Variants in UNC13B observed in about 807,000 individuals in gnomAD.
UNC13B encodes the protein protein unc-13 homolog B.
Under a neutral mutation model 211.0 loss-of-function variants are expected in UNC13B, and 144 were observed. The ratio of observed to expected loss-of-function variants is 0.68; its 90% CI spans 0.60 to 0.78. UNC13B has a LOEUF of 0.78. Among genes scored for constraint, UNC13B ranks in the 30% least tolerant of loss-of-function variants. The pLI, the probability that UNC13B is intolerant of heterozygous loss-of-function variation, is 0.00. For synonymous variants in UNC13B, 709 were observed against 725.8 expected, an observed-to-expected ratio of 0.98 and a Z score of 0.37; for missense variants, 1,777 against 2,002.0, an observed-to-expected ratio of 0.89 and a Z score of 2.14.
intron 11 of UNC13B, among the ~76,000 whole-genome samples, chr9:35,363,727 G>A (rs1833582926): frequency 6.6e-6 from 1 of 152,190 alleles, no homozygotes; most frequent in South Asian, 2.1e-4. Context: ...GGCCTAGAAG[G>A]CAATGTAGTC....
intron 1 of UNC13B, among the ~76,000 whole-genome samples, chr9:35,222,200 C>T (rs573239229): frequency 2.6e-5 from 4 of 152,004 alleles, no homozygotes; most frequent in Non-Finnish European, 5.9e-5. Context: ...AAAATGCCTG[C>T]TAGAATTTTG....
Position 35,398,233 on chromosome 9 carries a change from T to A in UNC13B, c.11777T>A (p.Val3926Glu). Residue 3926 changes from valine to glutamate, a missense_variant, in exon 31 of 40, where the codon GTG becomes GAG. Coordinates refer to ENST00000635942, the MANE Select transcript of UNC13B (RefSeq NM_001371189.2). ...AAGCCCTGCATCCTGATGAACAACGTGCAGCAACTGAGGGTCCAGCTGGAG... is the reference window on the plus strand; with the variant it reads ...AAGCCCTGCATCCTGATGAACAACGAGCAGCAACTGAGGGTCCAGCTGGAG... ...EKLPCILMNNVQQLRVQLEKM... is the reference protein window; with the variant it reads ...EKLPCILMNNEQQLRVQLEKM... 1.2e-6 allele frequency: 2 copies of A among 1,613,918 alleles called. No individual in the cohort carries two copies. The highest frequency in any genetic ancestry group is 8.5e-7 in the Non-Finnish European group (1 of 1,179,920).
In UNC13B at chr9:35,402,030, A is replaced by G. The variant is rs757604059; in HGVS notation, c.12485-1137A>G. 3.9e-6 allele frequency: 6 copies of G among 1,549,026 alleles called. No homozygotes were observed. The South Asian group carries it at 7.1e-5, about 18-fold the overall frequency. On this transcript the variant is annotated intron_variant, in intron 37 of 39. Coordinates refer to ENST00000635942, the MANE Select transcript of UNC13B (RefSeq NM_001371189.2). ...AGGGTATGTTGTACACCGTGCAGAT[A>G]TGGATCTAACATGGGCTAACACTGA... is the stretch of plus-strand genomic sequence containing the variant.
At chr9:35,378,258 A>G (rs1834574031) in intron 16 of UNC13B, 37 bp from the exon 17 acceptor site, 4 of 1,612,544 alleles carry the variant, frequency 2.5e-6, no homozygotes, top group Non-Finnish European at 3.4e-6. Context: ...GGGCTTCTGA[A>G]CGACTCTGAA....
chr9:35,386,847 G>A (rs954284812), intron 24 of UNC13B, among the ~76,000 whole-genome samples: 2 of 152,200 alleles, frequency 1.3e-5, no homozygotes, highest in South Asian at 2.1e-4. Flanking sequence ...CCCTAAGTCA[G>A]TACCTGGTGA....
intron 2 of UNC13B, among the ~76,000 whole-genome samples, chr9:35,229,013 C>T (rs896373260): frequency 6.6e-6 from 1 of 151,908 alleles, no homozygotes; most frequent in Non-Finnish European, 1.5e-5. Context: ...CCAAATTGTT[C>T]TCTTGCAAGT....
chr9:35,198,855 G>A (rs116561980), intron 1 of UNC13B, among the ~76,000 whole-genome samples: 73 of 152,250 alleles, frequency 4.8e-4, no homozygotes, highest in African/African-American at 1.7e-3. Flanking sequence ...GGGACCTAGG[G>A]ACTGTTTTTA....
intron 25 of UNC13B, among the ~76,000 whole-genome samples, chr9:35,390,284 G>A (rs1835449047): frequency 6.6e-6 from 1 of 152,184 alleles, no homozygotes; most frequent in South Asian, 2.1e-4. Flanking sequence ...AATGAAGTGG[G>A]CCTTCTTATA....
At chr9:35,198,419 A>T (rs1396758065) in intron 1 of UNC13B, among the ~76,000 whole-genome samples, 1 of 152,174 alleles carries the variant, frequency 6.6e-6, no homozygotes, top group East Asian at 1.9e-4. Flanking sequence ...AGATGCTGTG[A>T]TGCTTCCTGT....
chr9:35,274,783 C>A (rs1455822037), intron 7 of UNC13B, among the ~76,000 whole-genome samples: 1 of 152,032 alleles, frequency 6.6e-6, no homozygotes, highest in Non-Finnish European at 1.5e-5. Flanking sequence ...AATTCAGGGC[C>A]CTGTGAGTGG....
intron 1 of UNC13B, among the ~76,000 whole-genome samples, chr9:35,169,659 C>T (rs1217277713): frequency 6.6e-6 from 1 of 152,158 alleles, no homozygotes; most frequent in African/African-American, 2.4e-5. Context: ...GTGTTCCTTT[C>T]ACTTAGGGCC....
At chr9:35,358,931 C>T (rs570999307) in intron 11 of UNC13B, among the ~76,000 whole-genome samples, 40 of 152,086 alleles carry the variant, frequency 2.6e-4, no homozygotes, top group Non-Finnish European at 5.3e-4. Context: ...AACTCCTGAC[C>T]TGAAGTGATC....
chr9:35,255,160 A>T (rs1314155657), intron 6 of UNC13B, among the ~76,000 whole-genome samples: 1 of 144,452 alleles, frequency 6.9e-6, no homozygotes, highest in Non-Finnish European at 1.5e-5. Flanking sequence ...GTGGCACTCC[A>T]GTGATCCGCC....
At chr9:35,393,171 A>G (rs1835648654) in intron 26 of UNC13B, among the ~76,000 whole-genome samples, 1 of 152,254 alleles carries the variant, frequency 6.6e-6, no homozygotes, top group South Asian at 2.1e-4. Context: ...ACAGTCGTAT[A>G]AATTGGTAGT....
chr9:35,399,049 C>A lies in UNC13B; in HGVS notation c.12074+15C>A. 6.2e-7 allele frequency: 1 copy of A among 1,613,484 alleles called. No homozygotes were observed. The highest frequency in any genetic ancestry group is 1.1e-5 in the South Asian group (1 of 91,040). On this transcript the variant is annotated intron_variant, in intron 33 of 39. Coordinates refer to ENST00000635942, the MANE Select transcript of UNC13B (RefSeq NM_001371189.2). ...CTGGATGGCAAGTGAGTACAGCATT[C>A]AGGACTATCCTGTGGGGATGAGCAA...
In UNC13B at chr9:35,236,576, A is replaced by G; in HGVS notation, c.260A>G (p.Gln87Arg). 1.2e-6 allele frequency: 2 copies of G among 1,613,826 alleles called. No individual in the cohort carries two copies. Among genetic ancestry groups the G allele is most frequent in the Non-Finnish European group, 1.7e-6 (2 of 1,179,760 alleles). The change falls in exon 4 of 40, where the codon CAG becomes CGG. Residue 87 changes from glutamine to arginine, a missense_variant. Coordinates refer to ENST00000635942, the MANE Select transcript of UNC13B (RefSeq NM_001371189.2). Reference sequence around the variant, plus strand: ...TGGATTGCGCTGAAGACTATTCGTCAGTCGGATGAGGTCAGTCATTGCATT... The same window carrying G: ...TGGATTGCGCTGAAGACTATTCGTCGGTCGGATGAGGTCAGTCATTGCATT... ...TVWIALKTIR[Q>R]SDEEGPGEWS...
In UNC13B at chr9:35,175,863, AT is replaced by A. The variant is rs200161823; in HGVS notation, c.22+13559del. On this transcript the variant is annotated intron_variant, in intron 1 of 39. Transcript: ENST00000635942. ...GAAACCCCGTCTCTACTAAAAATAT[AT>A]AAAAAAAAAAAATTAGCCAGACATT... Among the ~76,000 whole-genome samples the A allele has an allele frequency of 6.2e-5, 7 of 112,416 alleles. 1 individual carries two copies. The highest frequency in any genetic ancestry group is 6.2e-5 in the Non-Finnish European group (3 of 48,480). The allele number at this position is 112,416 out of a possible 152,430, so 73.7% of individuals were successfully genotyped here.
At chr9:35,245,114 C>A (rs1010574617) in intron 6 of UNC13B, among the ~76,000 whole-genome samples, 1 of 152,138 alleles carries the variant, frequency 6.6e-6, no homozygotes, top group African/African-American at 2.4e-5. Flanking sequence ...GAGTGGTATT[C>A]AGCCTTTCAG....
intron 7 of UNC13B, among the ~76,000 whole-genome samples, chr9:35,277,768 G>A (rs1828260925): frequency 6.6e-6 from 1 of 151,686 alleles, no homozygotes; most frequent in Non-Finnish European, 1.5e-5. Flanking sequence ...TACAAAGACA[G>A]CAACTTGAAT....
Sources: allele counts gnomAD v4.1 joint callset (sites outside exome capture counted in the v4.1 genomes callset), GRCh38; gene constraint gnomAD v4.1.1; transcripts MANE v1.5; gene names NCBI Gene and HGNC (gene_info 2026-07-23, HGNC 2026-07-21).